PARD3B: variants seen among roughly 807,000 people sequenced by gnomAD.
PARD3B encodes partitioning defective 3 homolog B.
Under a neutral mutation model 130.2 loss-of-function variants are expected in PARD3B, and 103 were observed. That is an observed-to-expected ratio of 0.79 (90% CI 0.67 to 0.93). The LOEUF (loss-of-function observed/expected upper bound fraction) is 0.93. Ranked by LOEUF, PARD3B falls within the 40% of genes least tolerant of loss-of-function variation. The probability of loss-of-function intolerance (pLI) is 0.00; values close to 1 mark genes in which losing one functional copy is unlikely to be tolerated. For missense variants in PARD3B, 1,609 were observed against 1,499.2 expected (o/e 1.07, Z -1.21); for synonymous variants, 583 against 553.2 (o/e 1.05, Z -0.76).
At chr2:205,306,974 G>A (rs928558760) in intron 18 of PARD3B, among the ~76,000 whole-genome samples, 21 of 152,178 alleles carry the variant, frequency 1.4e-4, no homozygotes, top group African/African-American at 4.1e-4. Context: ...TATTTTTTCC[G>A]TTATCTGCGT....
chr2:204,554,383 A>G (rs1488044972), intron 1 of PARD3B, among the ~76,000 whole-genome samples: 1 of 151,980 alleles, frequency 6.6e-6, no homozygotes, highest in Non-Finnish European at 1.5e-5. Flanking sequence ...CTAATCCCCA[A>G]CTCCAAATCA....
intron 20 of PARD3B, among the ~76,000 whole-genome samples, chr2:205,467,489 G>A (rs996465446): frequency 1.4e-4 from 22 of 152,158 alleles, no homozygotes; most frequent in Admixed American, 2.6e-4. Flanking sequence ...CAATAACCTC[G>A]TCTTTAAAAG....
intron 15 of PARD3B, among the ~76,000 whole-genome samples, chr2:205,218,585 T>G (rs564375366): frequency 5.9e-5 from 9 of 152,192 alleles, no homozygotes; most frequent in Non-Finnish European, 1.2e-4. Flanking sequence ...CAAATAATTG[T>G]AAATAGATTT....
intron 2 of PARD3B, among the ~76,000 whole-genome samples, chr2:204,723,055 C>T (rs2039068441): frequency 1.3e-5 from 2 of 152,140 alleles, no homozygotes; most frequent in African/African-American, 4.8e-5. Context: ...AGCCATTTGG[C>T]CACTTCTTAA....
At chr2:205,051,024 A>G (rs1699155642) in intron 4 of PARD3B, among the ~76,000 whole-genome samples, 1 of 152,128 alleles carries the variant, frequency 6.6e-6, no homozygotes, top group Admixed American at 6.6e-5. Context: ...CCCTACGCTC[A>G]CTTTTATTGT....
chr2:204,710,451 G>T (rs2038379518), intron 2 of PARD3B, among the ~76,000 whole-genome samples: 1 of 152,188 alleles, frequency 6.6e-6, no homozygotes, highest in African/African-American at 2.4e-5. Context: ...TGTATGTTGA[G>T]ATATTTGATA....
chr2:204,592,003 T>G (rs752233960), intron 1 of PARD3B, among the ~76,000 whole-genome samples: 1 of 152,262 alleles, frequency 6.6e-6, no homozygotes, highest in Non-Finnish European at 1.5e-5. Context: ...GAATGTCATT[T>G]TTCTACCAAT....
At chr2:204,641,626 G>A (rs2035079857) in intron 1 of PARD3B, among the ~76,000 whole-genome samples, 1 of 152,152 alleles carries the variant, frequency 6.6e-6, no homozygotes, top group Non-Finnish European at 1.5e-5. Context: ...TGTCAGGCCT[G>A]CAGTTGTGTT....
chr2:205,248,669 C>T (rs1161272012), intron 16 of PARD3B, among the ~76,000 whole-genome samples: 14 of 137,518 alleles, frequency 1.0e-4, no homozygotes, highest in African/African-American at 3.1e-4. Context: ...TGCAGTGGCG[C>T]GATCTAGGCT....
intron 4 of PARD3B, among the ~76,000 whole-genome samples, chr2:205,064,555 G>A (rs1375589119): frequency 6.6e-6 from 1 of 152,186 alleles, no homozygotes; most frequent in Non-Finnish European, 1.5e-5. Context: ...TGTGGGGAAT[G>A]TTCTGCAGAC....
At chr2:204,703,921 G>C (rs933415041) in intron 2 of PARD3B, among the ~76,000 whole-genome samples, 1 of 152,064 alleles carries the variant, frequency 6.6e-6, no homozygotes, top group East Asian at 1.9e-4. Flanking sequence ...ATTCAAGGAA[G>C]TTAATGAGTG....
chr2:204,668,716 A>C (rs1210372895), intron 1 of PARD3B, among the ~76,000 whole-genome samples: 1 of 152,200 alleles, frequency 6.6e-6, no homozygotes, highest in African/African-American at 2.4e-5. Context: ...TGGTTGGCAG[A>C]GTAACACCAT....
At chr2:205,593,713 T>G (rs1325931212) in intron 22 of PARD3B, among the ~76,000 whole-genome samples, 1 of 152,108 alleles carries the variant, frequency 6.6e-6, no homozygotes, top group African/African-American at 2.4e-5. Context: ...TAAACTGAGG[T>G]CCAGTATTAC....
chr2:205,118,833 C>T, intron 6 of PARD3B, 88 bp from the exon 7 acceptor site: 1 of 935,996 alleles, frequency 1.1e-6, no homozygotes, highest in African/African-American at 1.7e-5. Flanking sequence ...AAATAGAAAT[C>T]AATATGTATT....
In PARD3B at chr2:205,300,963, G is replaced by A. The variant is rs542536641; in HGVS notation, c.2392+227G>A. Among the ~76,000 whole-genome samples, 4 of 152,354 alleles carry A rather than the reference G, an allele frequency of 2.6e-5. No homozygotes were observed. Among genetic ancestry groups the A allele is most frequent in the Non-Finnish European group, 5.9e-5 (4 of 68,030 alleles). On this transcript the variant is annotated intron_variant, in intron 17 of 22. Coordinates refer to ENST00000406610, the MANE Select transcript of PARD3B (RefSeq NM_001302769.2). This position sits in a 1 kb window ranked among gnomAD's most constrained non-coding sequence, Gnocchi z 4.1. ...TTTTACAGTGCAAGGCTAAATAAAT[G>A]TTCTCCTTCACTTTTCTACAAGGAC...
intron 2 of PARD3B, among the ~76,000 whole-genome samples, chr2:204,793,906 T>A (rs2042280039): frequency 6.6e-6 from 1 of 152,232 alleles, no homozygotes; most frequent in East Asian, 1.9e-4. Context: ...TATCACTGAA[T>A]AGTCTCATAG....
rs995514277 is a variant in PARD3B at position 205,125,208 on chromosome 2, T to C, written c.1306-401T>C. On this transcript the variant is annotated intron_variant, in intron 9 of 22. Coordinates refer to ENST00000406610, the MANE Select transcript of PARD3B (RefSeq NM_001302769.2). This position sits in a 1 kb window ranked among gnomAD's most constrained non-coding sequence, Gnocchi z 4.0. ...TAAATATGTTTAAAACCTGCAGGATTCTATTGCTAGGTTCGTATTTGCAGA... is the reference window on the plus strand; with the variant it reads ...TAAATATGTTTAAAACCTGCAGGATCCTATTGCTAGGTTCGTATTTGCAGA... 1.3e-5 allele frequency among the ~76,000 whole-genome samples: 2 copies of C among 152,226 alleles called. No individual in the cohort carries two copies. The highest frequency in any genetic ancestry group is 4.8e-5 in the African/African-American group (2 of 41,450).
At chr2:205,073,577 G>A (rs1361241521) in intron 4 of PARD3B, among the ~76,000 whole-genome samples, 1 of 152,098 alleles carries the variant, frequency 6.6e-6, no homozygotes, top group Non-Finnish European at 1.5e-5. Flanking sequence ...GGCAGAAACT[G>A]GTAGAAATTA....
intron 16 of PARD3B, among the ~76,000 whole-genome samples, chr2:205,297,183 A>G (rs938122443): frequency 1.3e-5 from 2 of 152,136 alleles, no homozygotes; most frequent in African/African-American, 4.8e-5. Context: ...GATAACTTCA[A>G]TGGGATCAAT....
Sources: gnomAD v4.1 joint callset for allele counts (sites outside exome capture counted in the v4.1 genomes callset) on GRCh38, gnomAD v4.1.1 for gene constraint, Gnocchi (gnomAD v3.1) non-coding constraint, MANE v1.5 for transcripts, NCBI Gene and HGNC (gene_info 2026-07-23, HGNC 2026-07-21) for gene names.